The following PBX1 variants were observed in gnomAD, a reference collection of about 807,000 sequenced individuals.
PBX1 encodes PBX homeobox 1.
PBX1 carries 6 observed loss-of-function variants against 53.4 expected under a neutral mutation model. The observed-to-expected ratio is 0.11, with a 90% confidence interval of 0.06 to 0.22. The LOEUF is 0.22. Ranked by LOEUF, PBX1 falls within the 10% of genes least tolerant of loss-of-function variation. The pLI, the probability that PBX1 is intolerant of heterozygous loss-of-function variation, is 1.00. For missense variants in PBX1, 251 were observed against 551.4 expected (o/e 0.46, Z 5.46); for synonymous variants, 204 against 212.3 (o/e 0.96, Z 0.34).
At chr1:164,590,284 A>C in intron 2 of PBX1, 1 of 450,302 alleles carries the variant, frequency 2.2e-6, no homozygotes, top group Non-Finnish European at 4.5e-6. Flanking sequence ...GAAAGGGAGG[A>C]GCCAAAAGGG....
intron 2 of PBX1, among the ~76,000 whole-genome samples, chr1:164,867,158 G>C (rs750606582): frequency 6.6e-6 from 1 of 152,216 alleles, no homozygotes; most frequent in East Asian, 1.9e-4. Flanking sequence ...TTAGGAACTG[G>C]GAGGTCTTGA....
In PBX1 at chr1:164,724,251, A is replaced by G. The variant is rs907638741; in HGVS notation, c.266-68243A>G. ...GTAAGTCAAATCCAAACATTCAGGA[A>G]CTCTACTGAGCTTCCAGGCCCATGG... On this transcript the variant is annotated intron_variant, in intron 2 of 8. Coordinates refer to ENST00000420696, the MANE Select transcript of PBX1 (RefSeq NM_002585.4). Among the ~76,000 whole-genome samples, 8 of 151,932 alleles carry G rather than the reference A, an allele frequency of 5.3e-5. No homozygotes were observed. The East Asian group carries it at 7.7e-4, about 15-fold the overall frequency.
At chr1:164,620,982 A>G (rs1657635909) in intron 2 of PBX1, among the ~76,000 whole-genome samples, 1 of 147,422 alleles carries the variant, frequency 6.8e-6, no homozygotes. Context: ...TGCGCCCGGC[A>G]TTAAAAAAAA....
At chr1:164,708,382 T>TA (rs142047562) in intron 2 of PBX1, among the ~76,000 whole-genome samples, 9,985 of 26,594 alleles carry the variant, frequency 0.38, 561 homozygotes, top group East Asian at 0.56. Flanking sequence ...TAGTCTTTTT[T>TA]TAAAAAAAAT....
At chr1:164,607,488 A>G (rs1046640557) in intron 2 of PBX1, among the ~76,000 whole-genome samples, 1 of 152,220 alleles carries the variant, frequency 6.6e-6, no homozygotes, top group Non-Finnish European at 1.5e-5. Flanking sequence ...GAAGAAAGCT[A>G]CTGAGGAAGG....
At chr1:164,562,198 T>C (rs1267728305) in intron 1 of PBX1, among the ~76,000 whole-genome samples, 1 of 152,182 alleles carries the variant, frequency 6.6e-6, no homozygotes, top group African/African-American at 2.4e-5. Flanking sequence ...ATAGGGCATG[T>C]TTCTGATCTC....
At chr1:164,777,100 C>A (rs1304057123) in intron 2 of PBX1, among the ~76,000 whole-genome samples, 1 of 152,164 alleles carries the variant, frequency 6.6e-6, no homozygotes, top group African/African-American at 2.4e-5. Flanking sequence ...ATAATAGTTT[C>A]GGAAAACCAC....
Position 164,644,557 on chromosome 1 carries a change from A to G in PBX1, c.265+81246A>G, listed in dbSNP as rs142483881. Among the ~76,000 whole-genome samples the G allele has an allele frequency of 1.5e-4, 23 of 150,056 alleles. No homozygotes were observed. In the East Asian group the frequency reaches 4.5e-3, roughly 29 times the overall value. ...AATTCCTAAATCTAAAACGTTTATC[A>G]GCTTTTGTTTTTTTTTTTCCTAAAT... On this transcript the variant is annotated intron_variant, in intron 2 of 8. Coordinates refer to ENST00000420696, the MANE Select transcript of PBX1 (RefSeq NM_002585.4).
intron 2 of PBX1, among the ~76,000 whole-genome samples, chr1:164,871,867 G>GGATTTT (rs771457169): frequency 1.6e-4 from 25 of 152,066 alleles, no homozygotes; most frequent in East Asian, 1.4e-3. Context: ...CATAGCACAT[G>GGATTTT]TTTAAACAAA....
chr1:164,599,152 C>T (rs1655983678), intron 2 of PBX1, among the ~76,000 whole-genome samples: 1 of 146,072 alleles, frequency 6.8e-6, no homozygotes, highest in African/African-American at 2.5e-5. Context: ...TCATTCTCTC[C>T]CAATAGATCT....
At chr1:164,731,580 T>C (rs901167681) in intron 2 of PBX1, among the ~76,000 whole-genome samples, 1 of 152,094 alleles carries the variant, frequency 6.6e-6, no homozygotes, top group African/African-American at 2.4e-5. Context: ...AAAAACAACA[T>C]GCAAATGAGG....
intron 2 of PBX1, among the ~76,000 whole-genome samples, chr1:164,662,219 G>A (rs867201940): frequency 7.2e-5 from 11 of 152,134 alleles, no homozygotes; most frequent in African/African-American, 2.7e-4. Context: ...CCAGTTACTC[G>A]GGAGGCTGAG....
chr1:164,834,346 C>CTT (rs56872086), intron 8 of PBX1, among the ~76,000 whole-genome samples: 184 of 137,058 alleles, frequency 1.3e-3, no homozygotes, highest in African/African-American at 4.7e-3. Flanking sequence ...ATTTTTCTTT[C>CTT]TTTTTTTTTT....
chr1:164,790,771 G>A (rs1420419187), intron 2 of PBX1, among the ~76,000 whole-genome samples: 2 of 152,216 alleles, frequency 1.3e-5, no homozygotes, highest in Admixed American at 1.3e-4. Context: ...CCTGTTGGCA[G>A]CCAGGAGCAT....
In PBX1 at chr1:164,600,246, CTTT is replaced by C. The variant is rs71097539; in HGVS notation, c.265+36956_265+36958del. ...ATTAAGAGCCTAAAGTATGCTGCTG[CTTT>C]TTTTTTTTTTTTTTTTTTTTGATAC... On this transcript the variant is annotated intron_variant, in intron 2 of 8. Coordinates refer to ENST00000420696, the MANE Select transcript of PBX1 (RefSeq NM_002585.4). 3.9e-3 allele frequency among the ~76,000 whole-genome samples: 479 copies of C among 121,810 alleles called. 4 individuals are homozygous for C. The highest frequency in any genetic ancestry group is 0.013 in the African/African-American group (459 of 34,370). The allele number at this position is 121,810 out of a possible 152,430, so 79.9% of individuals were successfully genotyped here.
At chr1:164,841,895 G>A (rs1000310797) in intron 8 of PBX1, among the ~76,000 whole-genome samples, 5 of 152,156 alleles carry the variant, frequency 3.3e-5, no homozygotes, top group Admixed American at 3.3e-4. Context: ...GGCATCTCTA[G>A]TAATGGCATC....
rs1047983566 is a variant in PBX1, at chr1:164,819,808, C to T, written c.998-264C>T. 1.4e-5 allele frequency: 5 copies of T among 347,402 alleles called. No individual in the cohort carries two copies. The Admixed American group carries it at 2.3e-4, about 16-fold the overall frequency. The allele number at this position is 347,402 out of a possible 1,614,324, so 21.5% of individuals were successfully genotyped here. A position where few individuals can be genotyped will look rare whatever the true frequency, so the allele number is the denominator to read the frequency against. The stretch of plus-strand genomic sequence containing the variant: ...CTAAGTTGGGAAGAATAAAGGTTCC[C>T]TTTCTTGGCTTGAAGTTGCCAAGGG... On this transcript the variant is annotated intron_variant, in intron 6 of 8. Transcript: ENST00000420696.
intron 2 of PBX1, among the ~76,000 whole-genome samples, chr1:164,773,243 G>GCGCACACACACACACA (rs113836981): frequency 3.0e-4 from 45 of 147,784 alleles, no homozygotes; most frequent in South Asian, 1.3e-3. Context: ...GGTAACACGC[G>GCGCACACACACACACA]CACACACACA....
At chr1:164,673,748 C>G (rs1204913228) in intron 2 of PBX1, among the ~76,000 whole-genome samples, 1 of 152,140 alleles carries the variant, frequency 6.6e-6, no homozygotes, top group Non-Finnish European at 1.5e-5. Flanking sequence ...CTAAACTTCT[C>G]AACTAGATGA....
Sources: gnomAD v4.1 joint callset for allele counts (sites outside exome capture counted in the v4.1 genomes callset) on GRCh38, gnomAD v4.1.1 for gene constraint, MANE v1.5 for transcripts, NCBI Gene and HGNC (gene_info 2026-07-23, HGNC 2026-07-21) for gene names.